The following NAV1 variants were observed in gnomAD, a reference collection of about 807,000 sequenced individuals.
NAV1 encodes the protein pore membrane and/or filament interacting like protein 3.
NAV1 carries 18 observed loss-of-function variants against 175.2 expected under a neutral mutation model. The ratio of observed to expected loss-of-function variants is 0.10; its 90% CI spans 0.07 to 0.15. The LOEUF (loss-of-function observed/expected upper bound fraction) is 0.15. NAV1 is among the 10% of genes least tolerant of loss of function. The pLI is 1.00. For missense variants in NAV1, 1,731 were observed against 2,436.6 expected, an observed-to-expected ratio of 0.71 and a Z score of 6.10; for synonymous variants, 897 against 978.7, an observed-to-expected ratio of 0.92 and a Z score of 1.56.
chr1:201,687,410 C>A (rs1461460286), intron 1 of NAV1, among the ~76,000 whole-genome samples: 1 of 152,122 alleles, frequency 6.6e-6, no homozygotes, highest in East Asian at 1.9e-4. Context: ...CTCTGGAGAC[C>A]CCTAGGTTCG....
At position 201,782,967 on chromosome 1, in the gene NAV1, C is replaced by T. The variant is rs543398837; in HGVS notation, c.2357+98C>T. 5.8e-5 allele frequency: 61 copies of T among 1,060,372 alleles called. No homozygotes were observed. In the South Asian group the frequency reaches 7.0e-4, roughly 12 times the overall value. 65.7% of individuals were successfully genotyped at this position (1,060,372 alleles called of 1,614,324 possible). ...ACTAGATGAGGCATGGCCTATCCAC[C>T]GTTGTCTCTAGGCCTTTGCATGGCT... On this transcript the variant is annotated intron_variant, in intron 6 of 29. Transcript: ENST00000367296. The surrounding 1 kb of genome is among the most constrained non-coding windows in gnomAD (Gnocchi z 5.4).
In NAV1 at chr1:201,810,549, C is replaced by T. The variant is rs150946974; in HGVS notation, c.4588C>T (p.Leu1530=). The change falls in exon 24 of 30, where the codon CTG becomes TTG. Residue 1530 remains leucine, a synonymous_variant. Coordinates refer to ENST00000367296, the Ensembl canonical transcript of NAV1. This position sits in a 1 kb window ranked among gnomAD's most constrained non-coding sequence, Gnocchi z 6.0. Reference sequence around the variant, plus strand: ...TCTGAAGGAGAAATGCGTCGACAGCCTGGTGTTCGAGACGCTGATCCCCAA... The same window carrying T: ...TCTGAAGGAGAAATGCGTCGACAGCTTGGTGTTCGAGACGCTGATCCCCAA... The T allele has an allele frequency of 6.7e-4, 1,081 of 1,612,500 alleles. 6 individuals are homozygous for T. Among genetic ancestry groups the T allele is most frequent in the African/African-American group, 6.1e-3 (459 of 74,952 alleles).
intron 29 of NAV1, among the ~76,000 whole-genome samples, chr1:201,817,956 A>T (rs1240482320): frequency 6.6e-6 from 1 of 152,116 alleles, no homozygotes; most frequent in Non-Finnish European, 1.5e-5. Flanking sequence ...AGCTGGGCAC[A>T]GTGGCTCACA....
intron 2 of NAV1, among the ~76,000 whole-genome samples, chr1:201,597,328 C>T (rs1453806474): frequency 1.3e-5 from 2 of 152,200 alleles, no homozygotes; most frequent in African/African-American, 2.4e-5. Context: ...AGCTAAGGCA[C>T]CCAGCATTTC....
intron 2 of NAV1, among the ~76,000 whole-genome samples, chr1:201,631,008 T>C (rs140907779): frequency 2.1e-4 from 32 of 152,334 alleles, no homozygotes; most frequent in African/African-American, 7.5e-4. Flanking sequence ...GCTTGTCAGC[T>C]GGAAGACCAC....
At chr1:201,622,422 C>A (rs1448888403), upstream of NAV1, among the ~76,000 whole-genome samples, 1 of 152,106 alleles carries the variant, frequency 6.6e-6, no homozygotes, top group Non-Finnish European at 1.5e-5. Context: ...GAGGAAGGAA[C>A]ATGCAGGGCA....
At chr1:201,715,133 C>A (rs1401708897) in intron 2 of NAV1, among the ~76,000 whole-genome samples, 2 of 151,448 alleles carry the variant, frequency 1.3e-5, no homozygotes, top group Admixed American at 1.3e-4. Flanking sequence ...ACACTGGTAG[C>A]CAAAACAATG....
At chr1:201,635,283 G>T (rs533951908) in intron 2 of NAV1, among the ~76,000 whole-genome samples, 1 of 151,920 alleles carries the variant, frequency 6.6e-6, no homozygotes, top group Admixed American at 6.6e-5. Flanking sequence ...CTGACCTCGC[G>T]ATCTGCCCGC....
At chr1:201,574,512 C>T (rs1169513028) in intron 1 of NAV1, among the ~76,000 whole-genome samples, 3 of 152,112 alleles carry the variant, frequency 2.0e-5, no homozygotes. Flanking sequence ...CCTCAGGTTT[C>T]CTGTGAGCAA....
At chr1:201,649,660 C>T (rs946487083) in intron 1 of NAV1, among the ~76,000 whole-genome samples, 4 of 152,210 alleles carry the variant, frequency 2.6e-5, no homozygotes, top group African/African-American at 9.7e-5. Flanking sequence ...GGGCTCGACT[C>T]TGGCCTGCCC....
At chr1:201,570,251 C>T (rs1666492675) in intron 1 of NAV1, among the ~76,000 whole-genome samples, 1 of 152,188 alleles carries the variant, frequency 6.6e-6, no homozygotes, top group African/African-American at 2.4e-5. Flanking sequence ...CCTTCTAGGG[C>T]AGACTCAGCA....
At chr1:201,819,969 C>G in exon 30 of NAV1, 1 of 1,587,422 alleles carries the variant, frequency 6.3e-7, no homozygotes, top group Non-Finnish European at 8.7e-7. Flanking sequence ...GACAGCAGAA[C>G]GCTGGCATCA....
intron 11 of NAV1, 84 bp from the exon 16 acceptor site, chr1:201,790,470 C>A: frequency 6.7e-7 from 1 of 1,491,708 alleles, no homozygotes; most frequent in Non-Finnish European, 9.3e-7. Context: ...ATTTCCTACC[C>A]TGCCACTGGG....
At position 201,548,779 on chromosome 1, in the gene NAV1, GAGAA is replaced by G. The variant is rs1487261432; in HGVS notation, c.-144+9441_-144+9444del. ...AATCAAATATTGGGAGGAAGAAAAG[GAGAA>G]AGAGAGTCGGGTTTAGTGTAAGTGC... On this transcript the variant is annotated intron_variant, in intron 1 of 33. Coordinates refer to the NAV1 transcript ENST00000685211. 2.0e-5 allele frequency among the ~76,000 whole-genome samples: 3 copies of G among 152,170 alleles called. No homozygotes were observed. The East Asian group carries it at 5.8e-4, about 29-fold the overall frequency.
At chr1:201,577,174 C>T (rs757602598) in intron 1 of NAV1, among the ~76,000 whole-genome samples, 19 of 152,264 alleles carry the variant, frequency 1.2e-4, no homozygotes, top group Non-Finnish European at 2.4e-4. Flanking sequence ...TTTGATTGCT[C>T]TTTCTGTATT....
intron 1 of NAV1, among the ~76,000 whole-genome samples, chr1:201,664,368 C>G (rs2102362725): frequency 6.6e-6 from 1 of 152,260 alleles, no homozygotes; most frequent in Admixed American, 6.5e-5. Flanking sequence ...AAATCAAATC[C>G]TGGCTCTATA....
rs1188789987 is a variant in NAV1 at position 201,718,881 on chromosome 1, A to G, written c.1226+126A>G. 9.8e-6 allele frequency: 12 copies of G among 1,225,056 alleles called. No homozygotes were observed. Among genetic ancestry groups the G allele is most frequent in the Non-Finnish European group, 6.9e-6 (6 of 869,868 alleles). 75.9% of individuals were successfully genotyped at this position (1,225,056 alleles called of 1,614,324 possible). ...TGCTGTGCTGCTATGAAAGTACACA[A>G]AAGTGTGCTGTGTACACTTTGTGAT... On this transcript the variant is annotated intron_variant, in intron 3 of 29. Transcript: ENST00000367296. The surrounding 1 kb of genome is among the most constrained non-coding windows in gnomAD (Gnocchi z 4.8).
chr1:201,647,201 G>T (rs139697256), upstream of NAV1, among the ~76,000 whole-genome samples: 1 of 152,186 alleles, frequency 6.6e-6, no homozygotes, highest in Non-Finnish European at 1.5e-5. Flanking sequence ...ATTTGAGGAT[G>T]GGCAGTGTCC....
rs147698251 is a variant in NAV1 at position 201,608,862 on chromosome 1, C to T, written c.-32-13991C>T. Among the ~76,000 whole-genome samples, 686 of 152,266 alleles carry T rather than the reference C, an allele frequency of 4.5e-3. 5 individuals are homozygous for T. Among genetic ancestry groups the T allele is most frequent in the African/African-American group, 0.016 (660 of 41,546 alleles). On this transcript the variant is annotated intron_variant, in intron 2 of 33. Transcript: ENST00000685211. ...TCAGGGAGTCACCCTGGCTTGGCAG[C>T]GCTGTGCTGGCAGGAATGGGGGCTC...
Sources: gnomAD v4.1 joint callset for allele counts (sites outside exome capture counted in the v4.1 genomes callset) on GRCh38, gnomAD v4.1.1 for gene constraint, Gnocchi (gnomAD v3.1) non-coding constraint, MANE v1.5 for transcripts, NCBI Gene and HGNC (gene_info 2026-07-23, HGNC 2026-07-21) for gene names.